DCDC2: variants seen among roughly 807,000 people sequenced by gnomAD.
DCDC2 encodes the protein doublecortin domain containing 2, also known as doublecortin domain-containing protein 2.
Under a neutral mutation model 50.2 loss-of-function variants are expected in DCDC2, and 40 were observed. That is an observed-to-expected ratio of 0.80 (90% CI 0.62 to 1.04). The LOEUF (loss-of-function observed/expected upper bound fraction) is 1.04. DCDC2 is among the 50% of genes least tolerant of loss of function. DCDC2 has a pLI of 0.00. For synonymous variants in DCDC2, 234 were observed against 210.6 expected, an observed-to-expected ratio of 1.11 and a Z score of -0.96; for missense variants, 570 against 581.9, an observed-to-expected ratio of 0.98 and a Z score of 0.21.
At chr6:24,288,374 G>T (rs1192251729) in intron 6 of DCDC2, among the ~76,000 whole-genome samples, 1 of 152,206 alleles carries the variant, frequency 6.6e-6, no homozygotes, top group Non-Finnish European at 1.5e-5. Context: ...ATAAATGTTT[G>T]CTGAATTAAC....
rs1394619740 is a variant in DCDC2 at position 24,174,366 on chromosome 6, C to T, written c.*364G>A. 6.4e-6 allele frequency: 1 copy of T among 157,418 alleles called. No individual in the cohort carries two copies. Among genetic ancestry groups the T allele is most frequent in the African/African-American group, 2.4e-5 (1 of 41,602 alleles). The allele number at this position is 157,418 out of a possible 1,614,324, so 9.8% of individuals were successfully genotyped here. A position where few individuals can be genotyped will look rare whatever the true frequency, so the allele number is the denominator to read the frequency against. Reference sequence around the variant, plus strand: ...TTACCAGTTCTTTAAAATTCTACGCCTTCCTAGAGAAAAATTATTTAGAAT... The same window carrying T: ...TTACCAGTTCTTTAAAATTCTACGCTTTCCTAGAGAAAAATTATTTAGAAT... On this transcript the variant is annotated 3_prime_UTR_variant, in exon 10 of 10. Transcript: ENST00000378454.
intron 8 of DCDC2, among the ~76,000 whole-genome samples, chr6:24,203,333 A>G (rs1761629701): frequency 6.6e-6 from 1 of 152,208 alleles, no homozygotes; most frequent in South Asian, 2.1e-4. Context: ...ATAACATCGC[A>G]CATCTACAAC....
chr6:24,312,458 A>AAT (rs911268388), intron 2 of DCDC2, among the ~76,000 whole-genome samples: 3 of 150,372 alleles, frequency 2.0e-5, no homozygotes, highest in South Asian at 4.2e-4. Flanking sequence ...GTTATATAAT[A>AAT]ATATTTTTTT....
intron 2 of DCDC2, among the ~76,000 whole-genome samples, chr6:24,329,471 TCACCCTG>T (rs1759929927): frequency 6.6e-6 from 1 of 152,164 alleles, no homozygotes; most frequent in Non-Finnish European, 1.5e-5. Flanking sequence ...CTCCTCATTT[TCACCCTG>T]CAATCCCAAA....
At chr6:24,377,522 C>T in the DCDC2 span, among the ~76,000 whole-genome samples, 31 of 152,264 alleles carry the variant, frequency 2.0e-4, no homozygotes, top group African/African-American at 7.0e-4. Flanking sequence ...CCGAAAATGT[C>T]ATTATACTTC....
At chr6:24,340,055 A>G (rs1354718889) in intron 2 of DCDC2, among the ~76,000 whole-genome samples, 1 of 152,206 alleles carries the variant, frequency 6.6e-6, no homozygotes, top group Non-Finnish European at 1.5e-5. Context: ...CCAGTAGACA[A>G]TCACATTGCT....
chr6:24,180,507 C>T (rs1482336888), intron 8 of DCDC2, among the ~76,000 whole-genome samples: 2 of 152,010 alleles, frequency 1.3e-5, no homozygotes, highest in Non-Finnish European at 2.9e-5. Flanking sequence ...CCAGGATGGT[C>T]TCGATCTCCT....
chr6:24,304,489 A>AAAAAT (rs1229592689), intron 2 of DCDC2, among the ~76,000 whole-genome samples: 1 of 152,198 alleles, frequency 6.6e-6, no homozygotes. Flanking sequence ...TCTCAAAAGA[A>AAAAAT]AAAATAAAAT....
At chr6:24,375,349 G>A in the DCDC2 span, among the ~76,000 whole-genome samples, 2 of 152,028 alleles carry the variant, frequency 1.3e-5, no homozygotes, top group Non-Finnish European at 2.9e-5. Flanking sequence ...ATGGGGTGCT[G>A]CTCAGGATGG....
At chr6:24,284,198 C>T (rs73394100) in intron 6 of DCDC2, among the ~76,000 whole-genome samples, 4,142 of 152,270 alleles carry the variant, frequency 0.027, 164 homozygotes, top group African/African-American at 0.09. Context: ...GCCCCCACTG[C>T]GGCCACCTAG....
At chr6:24,304,407 C>T (rs558942056) in intron 2 of DCDC2, among the ~76,000 whole-genome samples, 8 of 152,238 alleles carry the variant, frequency 5.3e-5, no homozygotes, top group Admixed American at 3.9e-4. Flanking sequence ...TGCTTGAAAC[C>T]GGGAGGCAGA....
At chr6:24,268,139 T>C (rs945262557) in intron 7 of DCDC2, among the ~76,000 whole-genome samples, 2 of 152,174 alleles carry the variant, frequency 1.3e-5, no homozygotes, top group Non-Finnish European at 2.9e-5. Context: ...TCATCCAACA[T>C]TTCCCAAATT....
chr6:24,349,728 T>A (rs1760330883), intron 2 of DCDC2, among the ~76,000 whole-genome samples: 1 of 152,140 alleles, frequency 6.6e-6, no homozygotes, highest in Non-Finnish European at 1.5e-5. Flanking sequence ...ACTGTCTTCA[T>A]TAAACCACCA....
intron 8 of DCDC2, 77 bp from the exon 9 acceptor site, chr6:24,178,709 A>C: frequency 7.4e-7 from 1 of 1,355,306 alleles, no homozygotes; most frequent in Non-Finnish European, 1.0e-6. Flanking sequence ...TAGTAATGTA[A>C]TACTTATATT....
At chr6:24,287,771 T>C (rs1763643954) in intron 6 of DCDC2, among the ~76,000 whole-genome samples, 2 of 152,252 alleles carry the variant, frequency 1.3e-5, no homozygotes, top group Non-Finnish European at 2.9e-5. Context: ...GCTGCCATTG[T>C]ACATTCAGTC....
intron 2 of DCDC2, among the ~76,000 whole-genome samples, chr6:24,303,007 T>C (rs112419447): frequency 8.5e-5 from 13 of 152,152 alleles, no homozygotes; most frequent in African/African-American, 3.1e-4. Flanking sequence ...ACCATTTTTC[T>C]CCTTTTCTGC....
chr6:24,336,723 T>G (rs1011715358), intron 2 of DCDC2, among the ~76,000 whole-genome samples: 4 of 152,142 alleles, frequency 2.6e-5, no homozygotes, highest in Non-Finnish European at 4.4e-5. Flanking sequence ...CTGCCTTTTT[T>G]TTTTATTTTT....
chr6:24,188,602 A>G (rs1274590480), intron 8 of DCDC2, among the ~76,000 whole-genome samples: 1 of 152,176 alleles, frequency 6.6e-6, no homozygotes, highest in African/African-American at 2.4e-5. Flanking sequence ...ATTTACGTCA[A>G]TTTTCAGTCA....
At chr6:24,317,493 A>G (rs2113849356) in intron 2 of DCDC2, among the ~76,000 whole-genome samples, 1 of 152,220 alleles carries the variant, frequency 6.6e-6, no homozygotes, top group African/African-American at 2.4e-5. Flanking sequence ...GACAAGAATG[A>G]ACTCCAAATG....
Sources: allele counts gnomAD v4.1 joint callset (sites outside exome capture counted in the v4.1 genomes callset), GRCh38; gene constraint gnomAD v4.1.1; transcripts MANE v1.5; gene names NCBI Gene and HGNC (gene_info 2026-07-23, HGNC 2026-07-21).